Variants in STAG1 observed in about 807,000 individuals in gnomAD.
The protein encoded by STAG1 is STAG1 cohesin complex component.
STAG1 carries 26 observed loss-of-function variants against 170.9 expected under a neutral mutation model. That is an observed-to-expected ratio of 0.15 (90% confidence interval 0.11 to 0.21). The LOEUF is 0.21. Among genes scored for constraint, STAG1 ranks in the 10% least tolerant of loss-of-function variants. STAG1 has a pLI of 1.00. For missense variants in STAG1, 964 were observed against 1,509.5 expected, an observed-to-expected ratio of 0.64 and a Z score of 5.99; for synonymous variants, 514 against 497.7, an observed-to-expected ratio of 1.03 and a Z score of -0.44.
At chr3:136,639,299 C>T (rs934972530) in intron 1 of STAG1, among the ~76,000 whole-genome samples, 3 of 151,894 alleles carry the variant, frequency 2.0e-5, no homozygotes, top group African/African-American at 7.3e-5. Context: ...TGGGCCACTA[C>T]CTTCCAGCCT....
At chr3:136,426,692 A>C (rs1421832335) in intron 16 of STAG1, among the ~76,000 whole-genome samples, 3 of 152,084 alleles carry the variant, frequency 2.0e-5, no homozygotes, top group Admixed American at 6.6e-5. Context: ...TAATCCCAGA[A>C]CTTTGGGAGG....
chr3:136,354,754 CAAA>C lies in STAG1; in HGVS notation c.3065+2963_3065+2965del. On this transcript the variant is annotated intron_variant, in intron 28 of 33. Transcript: ENST00000383202. ...AAGAAGGCAGTAAAGGAGAAAGAAC[CAAA>C]AAAAAAAAAAACCAAAAAACAAAAA... is the stretch of plus-strand genomic sequence containing the variant. Among the ~76,000 whole-genome samples the C allele has an allele frequency of 7.7e-4, 5 of 6,506 alleles. 1 individual carries two copies. The highest frequency in any genetic ancestry group is 5.5e-3 in the Admixed American group (2 of 362). The allele number at this position is 6,506 out of a possible 152,430, so 4.3% of individuals were successfully genotyped here.
At chr3:136,698,587 G>C (rs763562123) in intron 1 of STAG1, among the ~76,000 whole-genome samples, 9 of 152,284 alleles carry the variant, frequency 5.9e-5, no homozygotes, top group Non-Finnish European at 2.9e-5. Context: ...ACGGTATGGA[G>C]ATTACTTAAA....
chr3:136,357,933 T>G (rs1172587585), intron 27 of STAG1, 85 bp from the exon 28 acceptor site: 2 of 1,159,884 alleles, frequency 1.7e-6, no homozygotes, highest in Non-Finnish European at 2.5e-6. Flanking sequence ...TTTGTGAAGG[T>G]AGTAAAATTA....
intron 1 of STAG1, among the ~76,000 whole-genome samples, chr3:136,706,122 T>C (rs1024786017): frequency 1.4e-4 from 21 of 152,078 alleles, no homozygotes; most frequent in Non-Finnish European, 1.2e-4. Flanking sequence ...AAAGGGAGCT[T>C]AATGTGATAA....
At chr3:136,575,332 C>T (rs1937414108) in intron 4 of STAG1, among the ~76,000 whole-genome samples, 1 of 152,188 alleles carries the variant, frequency 6.6e-6, no homozygotes, top group African/African-American at 2.4e-5. Context: ...TCAAGCTATC[C>T]TTCCACCTCA....
intron 12 of STAG1, among the ~76,000 whole-genome samples, chr3:136,471,695 C>A (rs2089632092): frequency 6.6e-6 from 1 of 152,084 alleles, no homozygotes; most frequent in African/African-American, 2.4e-5. Flanking sequence ...ACAGCTATAA[C>A]ATTATTATTT....
At chr3:136,374,484 G>A (rs1043163327) in intron 23 of STAG1, among the ~76,000 whole-genome samples, 2 of 152,014 alleles carry the variant, frequency 1.3e-5, no homozygotes, top group Non-Finnish European at 1.5e-5. Flanking sequence ...AGGTGTGGTG[G>A]TGCACGCCTG....
chr3:136,540,261 G>C (rs1935827157), intron 6 of STAG1, among the ~76,000 whole-genome samples: 1 of 150,538 alleles, frequency 6.6e-6, no homozygotes, highest in Non-Finnish European at 1.5e-5. Flanking sequence ...CAAATATCTA[G>C]TAAGTATTTT....
At chr3:136,602,094 A>G (rs1938701389) in intron 4 of STAG1, among the ~76,000 whole-genome samples, 1 of 152,102 alleles carries the variant, frequency 6.6e-6, no homozygotes, top group Non-Finnish European at 1.5e-5. Flanking sequence ...AAGAAAAGGA[A>G]GTAAGGCCGG....
intron 12 of STAG1, among the ~76,000 whole-genome samples, chr3:136,466,672 G>A (rs548772990): frequency 1.7e-4 from 26 of 152,162 alleles, no homozygotes; most frequent in Admixed American, 1.5e-3. Flanking sequence ...GATACTCCTC[G>A]AGAAGAGCAA....
At chr3:136,502,824 A>G in intron 7 of STAG1, 45 bp from the exon 8 acceptor site, 1 of 1,435,396 alleles carries the variant, frequency 7.0e-7, no homozygotes, top group Non-Finnish European at 9.2e-7. Context: ...TCAAAACTTT[A>G]TCCATATAAG....
intron 9 of STAG1, among the ~76,000 whole-genome samples, chr3:136,484,721 A>G (rs1412429002): frequency 2.6e-5 from 4 of 151,086 alleles, no homozygotes; most frequent in Non-Finnish European, 4.4e-5. Context: ...TGTGCCAGCA[A>G]TCAGCGAGAT....
chr3:136,338,673 C>T (rs1310237362), intron 32 of STAG1, among the ~76,000 whole-genome samples: 1 of 152,196 alleles, frequency 6.6e-6, no homozygotes, highest in Non-Finnish European at 1.5e-5. Context: ...ACAAAACTTT[C>T]AAACTATCAT....
chr3:136,588,619 C>T (rs1486832874), intron 4 of STAG1, among the ~76,000 whole-genome samples: 1 of 152,000 alleles, frequency 6.6e-6, no homozygotes, highest in Admixed American at 6.6e-5. Flanking sequence ...GGATTACAGG[C>T]GTGAGCCACT....
intron 1 of STAG1, among the ~76,000 whole-genome samples, chr3:136,719,751 C>T (rs1021626619): frequency 8.6e-5 from 13 of 151,754 alleles, no homozygotes; most frequent in Non-Finnish European, 1.8e-4. Context: ...CAGCTAAATA[C>T]TTGACAGGGC....
intron 4 of STAG1, among the ~76,000 whole-genome samples, chr3:136,593,363 G>T (rs1938280070): frequency 6.6e-6 from 1 of 152,142 alleles, no homozygotes; most frequent in African/African-American, 2.4e-5. Context: ...GGCCCAGAAT[G>T]CCCACCAGCG....
At chr3:136,642,177 C>G (rs745508770) in intron 1 of STAG1, among the ~76,000 whole-genome samples, 3 of 148,730 alleles carry the variant, frequency 2.0e-5, no homozygotes, top group Non-Finnish European at 4.5e-5. Context: ...CTACTCATTA[C>G]AAATAAACTG....
At chr3:136,723,391 C>A (rs1933430159) in intron 1 of STAG1, among the ~76,000 whole-genome samples, 1 of 150,552 alleles carries the variant, frequency 6.6e-6, no homozygotes, top group African/African-American at 2.5e-5. Flanking sequence ...GCGACCCCGT[C>A]TGGGAGGTGA....
Sources: gnomAD v4.1 joint callset for allele counts (sites outside exome capture counted in the v4.1 genomes callset) on GRCh38, gnomAD v4.1.1 for gene constraint, MANE v1.5 for transcripts, NCBI Gene and HGNC (gene_info 2026-07-23, HGNC 2026-07-21) for gene names.